Variants in STXBP5L observed in about 807,000 individuals in gnomAD.
The protein encoded by STXBP5L is syntaxin binding protein 5L.
In STXBP5L, 65 loss-of-function variants were observed where a neutral mutation model predicts 144.5. The observed-to-expected ratio is 0.45, with a 90% CI of 0.37 to 0.55. The LOEUF is 0.55. Ranked by LOEUF, STXBP5L falls within the 20% of genes least tolerant of loss-of-function variation. The probability of loss-of-function intolerance (pLI) is 0.00; values close to 1 mark genes in which losing one functional copy is unlikely to be tolerated. For synonymous variants in STXBP5L, 505 were observed against 469.6 expected, an observed-to-expected ratio of 1.08 and a Z score of -0.97; for missense variants, 1,298 against 1,405.5, an observed-to-expected ratio of 0.92 and a Z score of 1.22.
intron 17 of STXBP5L, among the ~76,000 whole-genome samples, chr3:121,257,831 G>A (rs1057409510): frequency 2.6e-5 from 4 of 152,190 alleles, no homozygotes; most frequent in African/African-American, 4.8e-5. Flanking sequence ...AGGCTGAGGC[G>A]GGACAATCAC....
At chr3:121,359,063 A>G (rs2045621173) in intron 20 of STXBP5L, among the ~76,000 whole-genome samples, 1 of 152,092 alleles carries the variant, frequency 6.6e-6, no homozygotes, top group African/African-American at 2.4e-5. Context: ...GCTATTTCAT[A>G]TTCCCACCAA....
chr3:120,975,695 CTTA>C (rs1940901731), intron 3 of STXBP5L, among the ~76,000 whole-genome samples: 2 of 152,066 alleles, frequency 1.3e-5, no homozygotes, highest in Admixed American at 1.3e-4. Context: ...ATAGATAGCT[CTTA>C]TTATTTTGAG....
At chr3:121,345,760 T>A (rs1270224343) in intron 20 of STXBP5L, among the ~76,000 whole-genome samples, 1 of 152,132 alleles carries the variant, frequency 6.6e-6, no homozygotes, top group Non-Finnish European at 1.5e-5. Flanking sequence ...TCATGACAAG[T>A]GATAATAAGC....
chr3:121,335,961 CAATT>C, intron 20 of STXBP5L, among the ~76,000 whole-genome samples: 1 of 152,158 alleles, frequency 6.6e-6, no homozygotes, highest in South Asian at 2.1e-4. Flanking sequence ...GCAAAAGAAA[CAATT>C]AACAGTGTAA....
intron 5 of STXBP5L, 54 bp from the exon 6 acceptor site, chr3:121,114,871 A>G (rs968961207): frequency 1.6e-6 from 2 of 1,279,270 alleles, no homozygotes; most frequent in Non-Finnish European, 2.1e-6. Context: ...GGAAAATATA[A>G]TGCTGACCAA....
intron 10 of STXBP5L, among the ~76,000 whole-genome samples, chr3:121,213,044 T>C (rs149625353): frequency 0.036 from 5,409 of 152,298 alleles, 147 homozygotes; most frequent in Middle Eastern, 0.082. Context: ...TTCTTGTGAT[T>C]TTTGCAAATT....
intron 5 of STXBP5L, among the ~76,000 whole-genome samples, chr3:121,094,756 C>T (rs1576934904): frequency 6.6e-6 from 1 of 152,124 alleles, no homozygotes; most frequent in Non-Finnish European, 1.5e-5. Context: ...TTAATTGGAG[C>T]ATGTAGTCCA....
intron 9 of STXBP5L, among the ~76,000 whole-genome samples, chr3:121,181,653 GA>G (rs1355644668): frequency 6.6e-6 from 1 of 151,696 alleles, no homozygotes; most frequent in Non-Finnish European, 1.5e-5. Context: ...AGAATTGCTT[GA>G]ACCCAAGAGG....
chr3:121,254,822 T>C (rs776636791), intron 15 of STXBP5L, 73 bp from the exon 16 acceptor site: 20 of 1,296,722 alleles, frequency 1.5e-5, no homozygotes, highest in East Asian at 2.5e-5. Flanking sequence ...TTAACAAATA[T>C]ATTGGAAAAG....
Position 120,909,431 on chromosome 3 carries a change from C to T in STXBP5L, c.-8-140C>T. On this transcript the variant is annotated intron_variant, in intron 1 of 26. Transcript: ENST00000471454. ...AAATTTGGCAAAACGAATCCTGACT[C>T]TTTTTTTCCAGTCGGTCGTAACCAA... 5.5e-6 allele frequency: 4 copies of T among 725,550 alleles called. No homozygotes were observed. In the South Asian group the frequency reaches 8.6e-5, roughly 16 times the overall value. 44.9% of individuals were successfully genotyped at this position (725,550 alleles called of 1,614,324 possible).
chr3:121,233,539 G>C (rs2049373397), intron 11 of STXBP5L, 77 bp from the exon 12 acceptor site: 2 of 1,030,408 alleles, frequency 1.9e-6, no homozygotes, highest in East Asian at 5.5e-5. Flanking sequence ...TTTGTATAGG[G>C]ATAAAGGAAA....
intron 2 of STXBP5L, among the ~76,000 whole-genome samples, chr3:120,947,523 G>A (rs1191817642): frequency 1.3e-5 from 2 of 151,710 alleles, no homozygotes; most frequent in Non-Finnish European, 2.9e-5. Context: ...GTGGTGTTTG[G>A]TATGTTCACA....
At chr3:121,035,023 A>G (rs1161763058) in intron 3 of STXBP5L, among the ~76,000 whole-genome samples, 5 of 152,146 alleles carry the variant, frequency 3.3e-5, no homozygotes, top group Non-Finnish European at 7.3e-5. Context: ...TTTGTTTGGA[A>G]AAAATGCCTG....
At chr3:121,142,299 T>G (rs917155373) in intron 7 of STXBP5L, among the ~76,000 whole-genome samples, 7 of 151,986 alleles carry the variant, frequency 4.6e-5, no homozygotes, top group African/African-American at 1.7e-4. Flanking sequence ...TAGATAGCAA[T>G]GCAATCATAG....
rs1302287591 is a variant in STXBP5L at position 121,369,103 on chromosome 3, G to A, written c.2177-9613G>A. Among the ~76,000 whole-genome samples the A allele has an allele frequency of 2.6e-5, 4 of 152,190 alleles. No individual in the cohort carries two copies. In the East Asian group the frequency reaches 7.7e-4, roughly 29 times the overall value. On this transcript the variant is annotated intron_variant, in intron 20 of 26. Transcript: ENST00000471454. ...GAAAGCTGTATGCAAACTGTTCCAG[G>A]AACATGTGCACAGCTGCCTGGCAGG...
chr3:120,977,068 G>T (rs1420452718), intron 3 of STXBP5L, among the ~76,000 whole-genome samples: 1 of 152,258 alleles, frequency 6.6e-6, no homozygotes, highest in East Asian at 1.9e-4. Flanking sequence ...GGTCCACTTG[G>T]TGCAGAGCTG....
At chr3:121,026,042 A>G (rs1360867308) in intron 3 of STXBP5L, among the ~76,000 whole-genome samples, 1 of 146,048 alleles carries the variant, frequency 6.8e-6, no homozygotes, top group Non-Finnish European at 1.5e-5. Flanking sequence ...AGTTATATAT[A>G]ATTATAATTA....
intron 5 of STXBP5L, among the ~76,000 whole-genome samples, chr3:121,053,482 G>A (rs1031222301): frequency 5.9e-5 from 9 of 152,258 alleles, no homozygotes; most frequent in African/African-American, 2.2e-4. Flanking sequence ...ACAAAAACAA[G>A]AAATGGGGAA....
intron 19 of STXBP5L, among the ~76,000 whole-genome samples, chr3:121,283,184 A>C (rs964898819): frequency 6.6e-6 from 1 of 151,990 alleles, no homozygotes; most frequent in Non-Finnish European, 1.5e-5. Context: ...ATATACACAC[A>C]CTCACACATA....
Sources: allele counts gnomAD v4.1 joint callset (sites outside exome capture counted in the v4.1 genomes callset), GRCh38; gene constraint gnomAD v4.1.1; transcripts MANE v1.5; gene names NCBI Gene and HGNC (gene_info 2026-07-23, HGNC 2026-07-21).